Variants in CEP131 observed in about 807,000 individuals in gnomAD.
The protein encoded by CEP131 is centrosomal protein of 131 kDa.
A neutral mutation model predicts 136.8 loss-of-function variants in CEP131; 99 were observed. The ratio of observed to expected loss-of-function variants is 0.72; its 90% CI spans 0.62 to 0.86. The LOEUF (loss-of-function observed/expected upper bound fraction) is 0.86, where lower values mean the gene tolerates loss of function less well. CEP131 is among the 40% of genes least tolerant of loss of function. The pLI is 0.00. For synonymous variants in CEP131, 646 were observed against 612.7 expected, an observed-to-expected ratio of 1.05 and a Z score of -0.80; for missense variants, 1,459 against 1,463.0, an observed-to-expected ratio of 1.00 and a Z score of 0.04.
At position 81,196,793 on chromosome 17, in the gene CEP131, T is replaced by G. The variant is rs1333935576; in HGVS notation, c.1807A>C (p.Lys603Gln). The G allele has an allele frequency of 1.3e-6, 2 of 1,586,444 alleles. No homozygotes were observed. Among genetic ancestry groups the G allele is most frequent in the Non-Finnish European group, 1.7e-6 (2 of 1,167,452 alleles). Reference protein sequence around the residue: ...QQRDLTARRVKETEKALSRQL... With the variant: ...QQRDLTARRVQETEKALSRQL... ...CGGCTCAGCGCCTTCTCTGTCTCCT[T>G]GACCCGCCGGGCCGTGAGGTCTCGC... Residue 603 changes from lysine to glutamine, a missense_variant, in exon 15 of 26, where the codon AAG becomes CAG. This residue lies in a region of CEP131 where 1,026 missense variants were observed against 964.2 expected (regional missense o/e 1.06). Transcript: ENST00000450824.
intron 1 of CEP131, among the ~76,000 whole-genome samples, chr17:81,221,145 A>AAC: frequency 6.6e-6 from 1 of 151,254 alleles, no homozygotes; most frequent in Non-Finnish European, 1.5e-5. Context: ...AAAAAAAAAA[A>AAC]ACGCGGGAGT....
intron 2 of CEP131, 122 bp from the exon 3 acceptor site, chr17:81,209,144 G>T: frequency 1.4e-6 from 1 of 702,574 alleles, no homozygotes; most frequent in Non-Finnish European, 2.4e-6. Flanking sequence ...GGTTACAGGT[G>T]GCCCAAGTGG....
chr17:81,201,414 C>T (rs1271305994), intron 7 of CEP131, among the ~76,000 whole-genome samples: 2 of 152,152 alleles, frequency 1.3e-5, no homozygotes, highest in African/African-American at 4.8e-5. Context: ...CGCCCACAGC[C>T]CCTCCAGCTC....
intron 15 of CEP131, among the ~76,000 whole-genome samples, chr17:81,196,247 G>C (rs2061752878): frequency 1.3e-5 from 2 of 152,210 alleles, no homozygotes; most frequent in Admixed American, 1.3e-4. Flanking sequence ...TAGCTCTGCC[G>C]AGGCCATCAC....
In CEP131 at chr17:81,191,437, G is replaced by A. The variant is rs373215252; in HGVS notation, c.2623-102C>T. The A allele has an allele frequency of 1.0e-4, 108 of 1,064,798 alleles. 2 individuals carry two copies. The African/African-American group carries it at 1.2e-3, about 12-fold the overall frequency. The allele number at this position is 1,064,798 out of a possible 1,614,324, so 66.0% of individuals were successfully genotyped here. ...GGGGGGCTCCAGGCTCTGAGCCACA[G>A]GGGAGCAAGGGGCCTTCCCCCTCTC... On this transcript the variant is annotated intron_variant, in intron 21 of 25. Transcript: ENST00000450824.
At position 81,200,396 on chromosome 17, in the gene CEP131, C is replaced by T. The variant is rs1484982041; in HGVS notation, c.839G>A (p.Arg280Gln). 5 of 1,563,354 alleles carry T rather than the reference C, an allele frequency of 3.2e-6. No individual in the cohort carries two copies. The highest frequency in any genetic ancestry group is 3.5e-6 in the Non-Finnish European group (4 of 1,154,572). The change falls in exon 8 of 26, where the codon CGG (arginine) becomes CAG (glutamine). Residue 280 changes from arginine (R) to glutamine (Q), a missense_variant. Physicochemically the swap from Arg to Gln is conservative, Grantham distance 43. Transcript: ENST00000450824. ...TGCTCCGCGCCGCTGCACCTGGTGC[C>T]GGTACCAGCGCTGGATGGTGACAGT... is the stretch of plus-strand genomic sequence containing the variant. ...QATVTIQRWY[R>Q]HQVQRRGAGA...
intron 2 of CEP131, among the ~76,000 whole-genome samples, chr17:81,214,257 A>G (rs1340277468): frequency 6.6e-6 from 1 of 152,234 alleles, no homozygotes; most frequent in Non-Finnish European, 1.5e-5. Context: ...TAAAAGGTTT[A>G]TTTTTAAAAA....
chr17:81,215,422 A>T lies in CEP131; in HGVS notation c.177+4458T>A, dbSNP rs1222235728. Among the ~76,000 whole-genome samples, 1 of 151,684 alleles carries T rather than the reference A, an allele frequency of 6.6e-6. No individual in the cohort carries two copies. The highest frequency in any genetic ancestry group is 1.9e-4 in the East Asian group (1 of 5,156). On this transcript the variant is annotated intron_variant, in intron 2 of 25. Coordinates refer to ENST00000450824, the MANE Select transcript of CEP131 (RefSeq NM_014984.4). This position sits in a 1 kb window ranked among gnomAD's most constrained non-coding sequence, Gnocchi z 4.1. The stretch of plus-strand genomic sequence containing the variant: ...CCCTTTCAAATTTTTTTATTTATTT[A>T]ATTTTTTTTGAAATGGAGTCTCGCT...
intron 17 of CEP131, among the ~76,000 whole-genome samples, 156 bp from the exon 18 acceptor site, chr17:81,194,283 C>A (rs1175708596): frequency 6.6e-6 from 1 of 152,190 alleles, no homozygotes; most frequent in Non-Finnish European, 1.5e-5. Flanking sequence ...TCTTGACGCC[C>A]ACGAGGTGGG....
intron 18 of CEP131, 56 bp downstream of exon 18, chr17:81,193,870 A>C (rs535910035): frequency 1.1e-5 from 16 of 1,511,636 alleles, no homozygotes; most frequent in Admixed American, 2.1e-5. Flanking sequence ...GCCTTCGAGG[A>C]TTCCGACTCC....
At chr17:81,191,164 C>G (rs751045772) in intron 22 of CEP131, 29 bp downstream of exon 22, 9 of 1,610,226 alleles carry the variant, frequency 5.6e-6, no homozygotes, top group Non-Finnish European at 7.6e-6. Flanking sequence ...GCCTCCCCAG[C>G]TGGTGACCCA....
Position 81,219,863 on chromosome 17 carries a change from T to G in CEP131, c.177+17A>C, listed in dbSNP as rs1177507160. ...TCCAGGAGGCAGGGGCCCGGACTCC[T>G]AGGCCACAGTACTCACCAGCACCTT... On this transcript the variant is annotated intron_variant, in intron 2 of 25. Transcript: ENST00000450824. This position sits in a 1 kb window ranked among gnomAD's most constrained non-coding sequence, Gnocchi z 4.0. 1 of 1,562,146 alleles carries G rather than the reference T, an allele frequency of 6.4e-7. No individual in the cohort carries two copies. Among genetic ancestry groups the G allele is most frequent in the East Asian group, 2.4e-5 (1 of 41,770 alleles).
chr17:81,204,133 C>T, intron 5 of CEP131: 1 of 153,650 alleles, frequency 6.5e-6, no homozygotes, highest in Non-Finnish European at 1.4e-5. Context: ...AGGGAGGGTC[C>T]AGGCATTGTG....
chr17:81,211,166 G>A (rs891080039), intron 2 of CEP131, among the ~76,000 whole-genome samples: 1 of 152,184 alleles, frequency 6.6e-6, no homozygotes, highest in Admixed American at 6.5e-5. Context: ...AGACACAGCC[G>A]CCGCCCCGTT....
intron 5 of CEP131, among the ~76,000 whole-genome samples, chr17:81,205,294 GAA>G (rs1374363445): frequency 2.0e-5 from 3 of 147,654 alleles, no homozygotes; most frequent in Non-Finnish European, 4.4e-5. Flanking sequence ...AACACCAGAA[GAA>G]ATAGCTTGAA....
chr17:81,196,649 C>T lies in CEP131; in HGVS notation c.1899+52G>A, dbSNP rs2061760734. ...GTGGGAAGCCCCTGGCTCTGGAAGT[C>T]TCCATGAGCCACGCGCTGGGTCCGG... On this transcript the variant is annotated intron_variant, in intron 15 of 25. Transcript: ENST00000450824. 7.7e-6 allele frequency: 12 copies of T among 1,567,214 alleles called. No individual in the cohort carries two copies. In the Admixed American group the frequency reaches 2.2e-4, roughly 29 times the overall value.
intron 2 of CEP131, among the ~76,000 whole-genome samples, chr17:81,218,410 G>A (rs965628023): frequency 6.6e-6 from 1 of 152,222 alleles, no homozygotes; most frequent in Non-Finnish European, 1.5e-5. Context: ...TAGAAACAGC[G>A]GGAGGGGCCA....
intron 1 of CEP131, 38 bp from the exon 2 acceptor site, chr17:81,220,111 G>A: frequency 6.9e-7 from 1 of 1,457,254 alleles, no homozygotes; most frequent in Non-Finnish European, 9.0e-7. Context: ...AGATGCCGTG[G>A]GGGAACTACA....
intron 2 of CEP131, among the ~76,000 whole-genome samples, chr17:81,218,041 CT>C (rs1399572983): frequency 7.3e-6 from 1 of 136,778 alleles, no homozygotes; most frequent in Non-Finnish European, 1.6e-5. Context: ...CTCCCTCTTT[CT>C]TTCTTTCTTT....
Sources: allele counts gnomAD v4.1 joint callset (sites outside exome capture counted in the v4.1 genomes callset), GRCh38; gene constraint gnomAD v4.1.1; regional missense constraint gnomAD v4.1.1; non-coding constraint Gnocchi (gnomAD v3.1); transcripts MANE v1.5; gene names NCBI Gene and HGNC (gene_info 2026-07-23, HGNC 2026-07-21).